STX17: variants seen among roughly 807,000 people sequenced by gnomAD.
The protein encoded by STX17 is syntaxin-17.
A neutral mutation model predicts 35.9 loss-of-function variants in STX17; 29 were observed. The ratio of observed to expected loss-of-function variants is 0.81; its 90% confidence interval spans 0.60 to 1.10. The LOEUF (loss-of-function observed/expected upper bound fraction) is 1.10, where lower values mean the gene tolerates loss of function less well. STX17 is among the 50% of genes least tolerant of loss of function. The pLI is 0.00. For missense variants in STX17, 312 were observed against 352.3 expected (o/e 0.89, Z 0.92); for synonymous variants, 92 against 118.3 (o/e 0.78, Z 1.44).
At chr9:99,943,250 C>G (rs1484748750) in intron 3 of STX17, among the ~76,000 whole-genome samples, 1 of 152,134 alleles carries the variant, frequency 6.6e-6, no homozygotes, top group East Asian at 1.9e-4. Context: ...TCTCCTGCCT[C>G]AGCCTCCCGA....
At chr9:99,952,835 A>T (rs191179629) in intron 4 of STX17, among the ~76,000 whole-genome samples, 322 of 145,698 alleles carry the variant, frequency 2.2e-3, no homozygotes, top group Non-Finnish European at 3.5e-3. Flanking sequence ...AACAATGAGA[A>T]CACATGGACA....
At chr9:99,959,541 C>T (rs537370486) in intron 4 of STX17, among the ~76,000 whole-genome samples, 26 of 148,444 alleles carry the variant, frequency 1.8e-4, no homozygotes, top group African/African-American at 6.4e-4. Context: ...CTCACTGCAA[C>T]CTCGACCTCC....
intron 3 of STX17, among the ~76,000 whole-genome samples, chr9:99,931,493 C>CTT (rs5899396): frequency 6.9e-6 from 1 of 144,296 alleles, no homozygotes; most frequent in African/African-American, 2.5e-5. Context: ...TCATTTTGCT[C>CTT]TTTTTTTTTT....
intron 7 of STX17, 99 bp from the exon 8 acceptor site, chr9:99,968,335 T>C (rs778791830): frequency 4.9e-6 from 7 of 1,431,446 alleles, no homozygotes; most frequent in Non-Finnish European, 6.5e-6. Flanking sequence ...TACCAAGAGT[T>C]AAAGAGGCAT....
At chr9:99,924,616 G>C (rs898258146) in intron 2 of STX17, among the ~76,000 whole-genome samples, 1 of 151,998 alleles carries the variant, frequency 6.6e-6, no homozygotes, top group Non-Finnish European at 1.5e-5. Flanking sequence ...TCAGTTTATG[G>C]CCTGCAATCA....
In STX17 at chr9:99,973,699, C is replaced by A. The variant is rs1222530165; in HGVS notation, c.*5026C>A. Among the ~76,000 whole-genome samples, 1 of 152,180 alleles carries A rather than the reference C, an allele frequency of 6.6e-6. No individual in the cohort carries two copies. The highest frequency in any genetic ancestry group is 6.6e-5 in the Admixed American group (1 of 15,262). ...CACCCCGCACTTGATCTTCCCCCAA[C>A]TTTAAGTGACTCAGTTCCTTATATC... On this transcript the variant is annotated 3_prime_UTR_variant, in exon 8 of 8. Coordinates refer to ENST00000259400, the MANE Select transcript of STX17 (RefSeq NM_017919.3).
chr9:99,944,405 C>T (rs563544348), intron 3 of STX17, among the ~76,000 whole-genome samples: 1 of 151,762 alleles, frequency 6.6e-6, no homozygotes, highest in Non-Finnish European at 1.5e-5. Context: ...TAATTTTCAA[C>T]CTTTTTTCTT....
At chr9:99,919,620 AG>A (rs1828852240) in intron 2 of STX17, among the ~76,000 whole-genome samples, 1 of 152,118 alleles carries the variant, frequency 6.6e-6, no homozygotes, top group Non-Finnish European at 1.5e-5. Context: ...GTTGTCATTT[AG>A]TGGGATTTTG....
chr9:99,952,075 G>C (rs943970172), intron 4 of STX17, among the ~76,000 whole-genome samples: 1 of 151,646 alleles, frequency 6.6e-6, no homozygotes, highest in African/African-American at 2.4e-5. Flanking sequence ...TTGTTTCAGT[G>C]TTTCTCTTTT....
At chr9:99,944,836 T>C (rs1466594327) in intron 3 of STX17, among the ~76,000 whole-genome samples, 1 of 152,148 alleles carries the variant, frequency 6.6e-6, no homozygotes, top group African/African-American at 2.4e-5. Flanking sequence ...ATTTCTATTG[T>C]GATTTCTTTG....
intron 6 of STX17, among the ~76,000 whole-genome samples, chr9:99,964,148 A>G (rs936433079): frequency 2.0e-5 from 3 of 152,174 alleles, no homozygotes; most frequent in African/African-American, 7.2e-5. Flanking sequence ...TTTTGAATGT[A>G]TTATTATTGC....
chr9:99,972,367 CT>C lies in STX17; in HGVS notation c.*3696del, dbSNP rs1830032856. Among the ~76,000 whole-genome samples, 1 of 152,180 alleles carries C rather than the reference CT, an allele frequency of 6.6e-6. No homozygotes were observed. The highest frequency in any genetic ancestry group is 6.5e-5 in the Admixed American group (1 of 15,278). Reference sequence around the variant, plus strand: ...AATGATACCCTTGGGAAATCATGTACTTACTGTAGTGATGCTAGTATTAATA... The same window carrying C: ...AATGATACCCTTGGGAAATCATGTACTACTGTAGTGATGCTAGTATTAATA... On this transcript the variant is annotated 3_prime_UTR_variant, in exon 8 of 8. Coordinates refer to ENST00000259400, the MANE Select transcript of STX17 (RefSeq NM_017919.3).
At chr9:99,939,104 C>T (rs990054336) in intron 3 of STX17, among the ~76,000 whole-genome samples, 3 of 151,952 alleles carry the variant, frequency 2.0e-5, no homozygotes, top group Non-Finnish European at 2.9e-5. Context: ...AACACTTGAG[C>T]TATCTACTTT....
At chr9:99,967,961 G>C (rs1272364146) in intron 7 of STX17, among the ~76,000 whole-genome samples, 1 of 152,224 alleles carries the variant, frequency 6.6e-6, no homozygotes, top group African/African-American at 2.4e-5. Context: ...ATAAACTGTA[G>C]CTCTGCTGTA....
intron 3 of STX17, among the ~76,000 whole-genome samples, chr9:99,946,015 G>A (rs1224339502): frequency 1.3e-5 from 2 of 152,108 alleles, no homozygotes; most frequent in African/African-American, 4.8e-5. Flanking sequence ...CCTGGGAGGC[G>A]GAGGTTGCAG....
intron 2 of STX17, among the ~76,000 whole-genome samples, chr9:99,924,131 T>C (rs1303931501): frequency 2.0e-5 from 3 of 152,232 alleles, no homozygotes; most frequent in Non-Finnish European, 4.4e-5. Context: ...CAGATTCTTA[T>C]TGGCCTCTCC....
At chr9:99,948,518 A>G (rs1347413773) in intron 3 of STX17, among the ~76,000 whole-genome samples, 5 of 152,098 alleles carry the variant, frequency 3.3e-5, no homozygotes, top group Non-Finnish European at 4.4e-5. Context: ...TGCCTATACT[A>G]TTTACTAGCA....
chr9:99,924,116 C>G (rs1309450120), intron 2 of STX17, among the ~76,000 whole-genome samples: 12 of 152,238 alleles, frequency 7.9e-5, no homozygotes, highest in Admixed American at 7.9e-4. Context: ...CAAGGCCTGT[C>G]TGTTCAGATT....
chr9:99,918,243 T>A (rs571723817), intron 2 of STX17, among the ~76,000 whole-genome samples: 4 of 152,286 alleles, frequency 2.6e-5, no homozygotes, highest in South Asian at 2.1e-4. Flanking sequence ...AATCCTCCTG[T>A]CTCAGCTTCC....
Sources: allele counts gnomAD v4.1 joint callset (sites outside exome capture counted in the v4.1 genomes callset), GRCh38; gene constraint gnomAD v4.1.1; transcripts MANE v1.5; gene names NCBI Gene and HGNC (gene_info 2026-07-23, HGNC 2026-07-21).